The following PPP4R3B variants were observed in gnomAD, a reference collection of about 807,000 sequenced individuals.
PPP4R3B encodes the protein serine/threonine-protein phosphatase 4 regulatory subunit 3B.
In PPP4R3B, 52 loss-of-function variants were observed where a neutral mutation model predicts 95.4. The observed-to-expected ratio is 0.54, with a 90% CI of 0.44 to 0.69. The LOEUF is 0.69. Ranked by LOEUF, PPP4R3B falls within the 30% of genes least tolerant of loss-of-function variation. The probability of loss-of-function intolerance (pLI) is 0.00; values close to 1 mark genes in which losing one functional copy is unlikely to be tolerated. For synonymous variants in PPP4R3B, 407 were observed against 343.9 expected, an observed-to-expected ratio of 1.18 and a Z score of -2.03; for missense variants, 1,003 against 1,005.9, an observed-to-expected ratio of 1.00 and a Z score of 0.04.
chr2:55,582,480 G>T (rs1204666172), intron 7 of PPP4R3B, among the ~76,000 whole-genome samples: 1 of 152,006 alleles, frequency 6.6e-6, no homozygotes, highest in Non-Finnish European at 1.5e-5. Flanking sequence ...TTTTCTGATT[G>T]GGAAATATAA....
intron 11 of PPP4R3B, 49 bp downstream of exon 11, chr2:55,577,264 GAA>G (rs775218725): frequency 6.0e-6 from 9 of 1,510,992 alleles, no homozygotes; most frequent in Non-Finnish European, 7.9e-6. Flanking sequence ...ACTTAGAGTA[GAA>G]AAAAGTTTAT....
chr2:55,548,604 T>C lies in PPP4R3B; in HGVS notation c.*1307A>G, dbSNP rs1684939612. The C allele has an allele frequency of 6.6e-6, 1 of 152,584 alleles. No homozygotes were observed. The highest frequency in any genetic ancestry group is 1.5e-5 in the Non-Finnish European group (1 of 68,026). The allele number at this position is 152,584 out of a possible 1,614,324, so 9.5% of individuals were successfully genotyped here. A position where few individuals can be genotyped will look rare whatever the true frequency, so the allele number is the denominator to read the frequency against. The stretch of plus-strand genomic sequence containing the variant: ...AAATCTCCAAAACAGGGGAAACTGC[T>C]TTAGATTAAACGATTCCAGGAAAAA... On this transcript the variant is annotated 3_prime_UTR_variant, in exon 17 of 17. Coordinates refer to ENST00000616407, the MANE Select transcript of PPP4R3B (RefSeq NM_001122964.3).
At chr2:55,563,326 C>T (rs1423165886) in intron 15 of PPP4R3B, among the ~76,000 whole-genome samples, 7 of 152,356 alleles carry the variant, frequency 4.6e-5, no homozygotes, top group African/African-American at 1.7e-4. Context: ...TTCAAAATCA[C>T]AAACTTACAT....
At position 55,548,091 on chromosome 2, in the gene PPP4R3B, GTCTT is replaced by G. The variant is rs997736788; in HGVS notation, c.*1816_*1819del. On this transcript the variant is annotated 3_prime_UTR_variant, in exon 17 of 17. Transcript: ENST00000616407. ...AGTCACCTGCCTTATGAGGTGGAAG[GTCTT>G]TCTTTCTTACTATATGTACACCTTT... 13 of 152,244 alleles carry G rather than the reference GTCTT, an allele frequency of 8.5e-5. No homozygotes were observed. Among genetic ancestry groups the G allele is most frequent in the Admixed American group, 2.0e-4 (3 of 15,286 alleles). 9.4% of individuals were successfully genotyped at this position (152,244 alleles called of 1,614,324 possible).
At position 55,549,761 on chromosome 2, in the gene PPP4R3B, A is replaced by C; in HGVS notation, c.*150T>G. On this transcript the variant is annotated 3_prime_UTR_variant, in exon 17 of 17. Transcript: ENST00000616407. ...TCCTGGGAAGCCTGATTTTTATTAGAACTAAACTCTCTTAGCTGATATACT... is the reference window on the plus strand; with the variant it reads ...TCCTGGGAAGCCTGATTTTTATTAGCACTAAACTCTCTTAGCTGATATACT... 1.6e-6 allele frequency: 1 copy of C among 624,874 alleles called. No individual in the cohort carries two copies. Among genetic ancestry groups the C allele is most frequent in the Non-Finnish European group, 2.7e-6 (1 of 364,464 alleles). The allele number at this position is 624,874 out of a possible 1,614,324, so 38.7% of individuals were successfully genotyped here. A position where few individuals can be genotyped will look rare whatever the true frequency, so the allele number is the denominator to read the frequency against.
chr2:55,585,016 G>A (rs772023822), intron 7 of PPP4R3B, 35 bp downstream of exon 7: 44 of 1,439,870 alleles, frequency 3.1e-5, no homozygotes, highest in Non-Finnish European at 4.2e-5. Context: ...TCACTCTACA[G>A]GTAATTCACA....
intron 16 of PPP4R3B, among the ~76,000 whole-genome samples, chr2:55,555,341 G>A (rs1035934086): frequency 6.7e-6 from 1 of 149,732 alleles, no homozygotes; most frequent in Admixed American, 6.7e-5. Flanking sequence ...AAATTGTCTT[G>A]GCACTCTTAT....
chr2:55,573,848 T>A (rs2104084221), intron 11 of PPP4R3B, 71 bp from the exon 12 acceptor site: 2 of 786,774 alleles, frequency 2.5e-6, no homozygotes, highest in East Asian at 3.5e-5. Flanking sequence ...AAAGCTTACA[T>A]CCTATATGTT....
chr2:55,584,982 C>T, intron 7 of PPP4R3B, 69 bp downstream of exon 7: 1 of 1,104,810 alleles, frequency 9.1e-7, no homozygotes, highest in Admixed American at 2.5e-5. Flanking sequence ...TATGTTTTTT[C>T]TCTCAATAGT....
rs1685023156 is a variant in PPP4R3B at position 55,549,592 on chromosome 2, T to A, written c.*319A>T. The A allele has an allele frequency of 7.7e-6, 2 of 259,580 alleles. No individual in the cohort carries two copies. 16.1% of individuals were successfully genotyped at this position (259,580 alleles called of 1,614,324 possible). On this transcript the variant is annotated 3_prime_UTR_variant, in exon 17 of 17. Coordinates refer to ENST00000616407, the MANE Select transcript of PPP4R3B (RefSeq NM_001122964.3). ...ACCCCGAGGAGCAACCCTGCATTATTATATCAACCTTTTCCCCTCCCCTAA... is the reference window on the plus strand; with the variant it reads ...ACCCCGAGGAGCAACCCTGCATTATAATATCAACCTTTTCCCCTCCCCTAA...
chr2:55,553,088 A>T (rs955899433), intron 16 of PPP4R3B, among the ~76,000 whole-genome samples: 3 of 152,230 alleles, frequency 2.0e-5, no homozygotes, highest in Non-Finnish European at 2.9e-5. Context: ...AGAATTCTAC[A>T]TAGAAAATGA....
At chr2:55,614,333 C>T (rs185779396) in intron 2 of PPP4R3B, 84 of 152,212 alleles carry the variant, frequency 5.5e-4, no homozygotes, top group African/African-American at 1.9e-3. Context: ...TTACATACCA[C>T]ACACAAAAAA....
At chr2:55,579,939 T>A (rs1016337744) in intron 8 of PPP4R3B, among the ~76,000 whole-genome samples, 158 bp from the exon 9 acceptor site, 12 of 152,028 alleles carry the variant, frequency 7.9e-5, no homozygotes, top group African/African-American at 2.4e-4. Context: ...GTGAAAAAAA[T>A]CAAACACTTG....
rs1249462608 is a variant in PPP4R3B, at chr2:55,564,410, T to A, written c.2163A>T (p.Glu721Asp). 3.1e-6 allele frequency: 5 copies of A among 1,613,810 alleles called. No homozygotes were observed. In the African/African-American group the frequency reaches 4.0e-5, roughly 13 times the overall value. Residue 721 changes from glutamate (E) to aspartate (D), a missense_variant, in exon 15 of 17, where the codon GAA becomes GAT. Physicochemically the swap from Glu to Asp is conservative, Grantham distance 45 (BLOSUM62 2). Coordinates refer to ENST00000616407, the MANE Select transcript of PPP4R3B (RefSeq NM_001122964.3). ...EDEEMWFNED[E>D]EEEGKAVVAP... The stretch of plus-strand genomic sequence containing the variant: ...CCACAACTGCTTTTCCTTCCTCTTC[T>A]TCATCTTCATTAAACCACATTTCTT...
chr2:55,610,904 C>T (rs1385881380), intron 2 of PPP4R3B, among the ~76,000 whole-genome samples: 2 of 138,424 alleles, frequency 1.4e-5, no homozygotes, highest in South Asian at 2.3e-4. Flanking sequence ...CTTCCTCTAT[C>T]GCCCAGGCTG....
At chr2:55,595,217 T>C (rs1001497856) in intron 4 of PPP4R3B, among the ~76,000 whole-genome samples, 1 of 151,756 alleles carries the variant, frequency 6.6e-6, no homozygotes, top group Non-Finnish European at 1.5e-5. Flanking sequence ...AGAGATGGAG[T>C]TTCGCCATGT....
At chr2:55,600,822 A>C (rs1692462135) in intron 3 of PPP4R3B, among the ~76,000 whole-genome samples, 1 of 152,158 alleles carries the variant, frequency 6.6e-6, no homozygotes, top group South Asian at 2.1e-4. Flanking sequence ...AGGGAAAAAA[A>C]CATGAAAAAA....
At chr2:55,596,650 A>G (rs1691814332) in intron 4 of PPP4R3B, among the ~76,000 whole-genome samples, 1 of 152,248 alleles carries the variant, frequency 6.6e-6, no homozygotes, top group East Asian at 1.9e-4. Flanking sequence ...TTCACAGGAC[A>G]GACAGGAAAA....
chr2:55,594,170 G>T (rs1051451799), intron 4 of PPP4R3B, among the ~76,000 whole-genome samples: 1 of 152,102 alleles, frequency 6.6e-6, no homozygotes, highest in African/African-American at 2.4e-5. Context: ...GGAGAGGACT[G>T]AAGGTTTAAA....
Sources: allele counts gnomAD v4.1 joint callset (sites outside exome capture counted in the v4.1 genomes callset), GRCh38; gene constraint gnomAD v4.1.1; transcripts MANE v1.5; gene names NCBI Gene and HGNC (gene_info 2026-07-23, HGNC 2026-07-21).